DNAH8: variants seen among roughly 807,000 people sequenced by gnomAD.
The protein encoded by DNAH8 is dynein axonemal heavy chain 8.
In DNAH8, 382 loss-of-function variants were observed where a neutral mutation model predicts 562.1. That is an observed-to-expected ratio of 0.68 (90% CI 0.63 to 0.74). DNAH8 has a LOEUF of 0.74. Ranked by LOEUF, DNAH8 falls within the 30% of genes least tolerant of loss-of-function variation. DNAH8 has a pLI of 0.00. For synonymous variants in DNAH8, 1,881 were observed against 1,919.4 expected, an observed-to-expected ratio of 0.98 and a Z score of 0.52; for missense variants, 5,203 against 5,620.4, an observed-to-expected ratio of 0.93 and a Z score of 2.37.
chr6:38,862,317 A>T lies in DNAH8; in HGVS notation c.6169A>T (p.Met2057Leu), dbSNP rs764606324. The T allele has an allele frequency of 2.5e-6, 4 of 1,614,146 alleles. No homozygotes were observed. The highest frequency in any genetic ancestry group is 3.4e-6 in the Non-Finnish European group (4 of 1,180,004). ...ITLAQALGMN[M>L]GGAPAGPAGT... Reference sequence around the variant, plus strand: ...GTTAGCTCAGGCCTTGGGCATGAACATGGGAGGTGCTCCCGCAGGACCTGC... The same window carrying T: ...GTTAGCTCAGGCCTTGGGCATGAACTTGGGAGGTGCTCCCGCAGGACCTGC... Residue 2057 changes from methionine to leucine, a missense_variant, in exon 44 of 93, where the codon ATG becomes TTG. By Grantham distance (15) the Met-to-Leu change is conservative. Around this residue, in one of 6 missense-constraint regions of DNAH8, gnomAD observed 2,176 missense variants for 2,365.1 expected, o/e 0.92. Transcript: ENST00000327475.
At position 38,882,943 on chromosome 6, in the gene DNAH8, C is replaced by A; in HGVS notation, c.7892C>A (p.Pro2631His). The A allele has an allele frequency of 6.2e-7, 1 of 1,600,800 alleles. No individual in the cohort carries two copies. Among genetic ancestry groups the A allele is most frequent in the Non-Finnish European group, 8.5e-7 (1 of 1,175,012 alleles). ...DWEHWNKKLQ[P>H]YYYPTDSIPE... Reference sequence around the variant, plus strand: ...GAGCACTGGAATAAGAAACTTCAGCCTTATTATTATCCAACTGACAGTATT... The same window carrying A: ...GAGCACTGGAATAAGAAACTTCAGCATTATTATTATCCAACTGACAGTATT... The change falls in exon 54 of 93, where the codon CCT becomes CAT. Residue 2631 changes from proline (P) to histidine (H), a missense_variant. By Grantham distance (77) the Pro-to-His change is moderately conservative (BLOSUM62 -2). Coordinates refer to ENST00000327475, the MANE Select transcript of DNAH8 (RefSeq NM_001206927.2).
intron 91 of DNAH8, among the ~76,000 whole-genome samples, chr6:39,024,653 C>G (rs1396585200): frequency 1.3e-5 from 2 of 152,040 alleles, no homozygotes; most frequent in Non-Finnish European, 2.9e-5. Context: ...ATAGCAAGAC[C>G]CTGTCTCTAA....
chr6:38,928,893 G>A (rs1269251759), intron 74 of DNAH8, among the ~76,000 whole-genome samples: 8 of 152,104 alleles, frequency 5.3e-5, no homozygotes, highest in South Asian at 2.1e-4. Context: ...AATAACAAAC[G>A]CATTAATCTA....
At chr6:38,892,923 C>T (rs1170409532) in intron 58 of DNAH8, among the ~76,000 whole-genome samples, 9 of 152,132 alleles carry the variant, frequency 5.9e-5, no homozygotes, top group Admixed American at 3.3e-4. Flanking sequence ...ACCTTCAGAG[C>T]GACTGTTCCA....
Position 38,956,944 on chromosome 6 carries a change from T to TA in DNAH8, c.12451+5425dup, listed in dbSNP as rs536806999. On this transcript the variant is annotated intron_variant, in intron 82 of 92. Transcript: ENST00000327475. ...TAGTTAGTCCTTACCTACCAACAAT[T>TA]ACCTTGAATGTAAATGGATTAAAAT... Among the ~76,000 whole-genome samples, 5 of 152,234 alleles carry TA rather than the reference T, an allele frequency of 3.3e-5. No individual in the cohort carries two copies. In the South Asian group the frequency reaches 1.0e-3, roughly 32 times the overall value.
At chr6:39,010,640 A>G (rs1766127797) in intron 89 of DNAH8, among the ~76,000 whole-genome samples, 1 of 152,070 alleles carries the variant, frequency 6.6e-6, no homozygotes, top group Non-Finnish European at 1.5e-5. Context: ...TACTGTAGTC[A>G]ATACCTGAGC....
At position 38,853,066 on chromosome 6, in the gene DNAH8, G is replaced by T. The variant is rs143645253; in HGVS notation, c.5572-120G>T. 8 of 779,402 alleles carry T rather than the reference G, an allele frequency of 1.0e-5. No individual in the cohort carries two copies. The South Asian group carries it at 1.2e-4, about 11-fold the overall frequency. 48.3% of individuals were successfully genotyped at this position (779,402 alleles called of 1,614,324 possible). On this transcript the variant is annotated intron_variant, in intron 40 of 92. Coordinates refer to ENST00000327475, the MANE Select transcript of DNAH8 (RefSeq NM_001206927.2). The stretch of plus-strand genomic sequence containing the variant: ...ATTTTACCCATATTTAAAATATTTT[G>T]TATAAAATATGAAACTGTTTGCTTG...
At chr6:38,870,266 G>A in intron 48 of DNAH8, 135 bp from the exon 49 acceptor site, 1 of 743,432 alleles carries the variant, frequency 1.3e-6, no homozygotes, top group Non-Finnish European at 2.2e-6. Flanking sequence ...GAAAGTACTA[G>A]AGAATACAAG....
intron 29 of DNAH8, 129 bp downstream of exon 29, chr6:38,826,520 C>T (rs772142825): frequency 1.2e-5 from 8 of 652,268 alleles, no homozygotes; most frequent in East Asian, 2.7e-5. Flanking sequence ...TTTCTCGTCT[C>T]TGATGTTGAT....
rs200418777 is a variant in DNAH8, at chr6:38,874,180, TTC to T, written c.7620+814_7620+815del. ...CCTTCCTCCTTCTCTCTTTCTTTCTTTCTCTCTCTCTTTCTTTCTCTCTTTCT... is the reference window on the plus strand; with the variant it reads ...CCTTCCTCCTTCTCTCTTTCTTTCTTTCTCTCTCTTTCTTTCTCTCTTTCT... On this transcript the variant is annotated intron_variant, in intron 52 of 92. Coordinates refer to ENST00000327475, the MANE Select transcript of DNAH8 (RefSeq NM_001206927.2). Among the ~76,000 whole-genome samples, 830 of 62,604 alleles carry T rather than the reference TTC, an allele frequency of 0.013. 183 individuals carry two copies. In the East Asian group the frequency reaches 0.43, roughly 33 times the overall value. The allele number at this position is 62,604 out of a possible 152,430, so 41.1% of individuals were successfully genotyped here.
chr6:39,026,668 GT>G lies in DNAH8; in HGVS notation c.13836+2del. ...GGAGGAGATCACGTCACCCCCTGGG[GT>G]AGGCGTTGCTGGGCAATAGCAGGGA... On this transcript the variant is annotated splice_donor_variant, in intron 92 of 92. Coordinates refer to ENST00000327475, the MANE Select transcript of DNAH8 (RefSeq NM_001206927.2). LOFTEE classifies it high-confidence loss of function. The G allele has an allele frequency of 6.2e-7, 1 of 1,613,056 alleles. No homozygotes were observed. The highest frequency in any genetic ancestry group is 8.5e-7 in the Non-Finnish European group (1 of 1,179,868).
chr6:38,862,137 A>AC (rs1378342430), intron 43 of DNAH8, 143 bp from the exon 44 acceptor site: 1 of 661,314 alleles, frequency 1.5e-6, no homozygotes, highest in Non-Finnish European at 2.5e-6. Flanking sequence ...AAGTACCCTA[A>AC]CCTTGTTTGT....
At position 38,974,396 on chromosome 6, in the gene DNAH8, A is replaced by C. The variant is rs370456053; in HGVS notation, c.12701A>C (p.Glu4234Ala). The C allele has an allele frequency of 6.2e-7, 1 of 1,612,778 alleles. No individual in the cohort carries two copies. Among genetic ancestry groups the C allele is most frequent in the Non-Finnish European group, 8.5e-7 (1 of 1,179,576 alleles). The change falls in exon 85 of 93, where the codon GAG becomes GCG. Residue 4234 changes from glutamate to alanine, a missense_variant. Physicochemically the swap from Glu to Ala is moderately radical, Grantham distance 107. Around this residue, in one of 6 missense-constraint regions of DNAH8, gnomAD observed 1,399 missense variants for 1,518.4 expected, o/e 0.92. Coordinates refer to ENST00000327475, the MANE Select transcript of DNAH8 (RefSeq NM_001206927.2). ...LLQTSLKFTN[E>A]PPQGVRAGLK... ...CAGACCTCTCTCAAATTCACTAATGAGCCACCCCAAGGTGTACGCGCAGGT... is the reference window on the plus strand; with the variant it reads ...CAGACCTCTCTCAAATTCACTAATGCGCCACCCCAAGGTGTACGCGCAGGT...
intron 82 of DNAH8, among the ~76,000 whole-genome samples, chr6:38,957,002 A>T (rs188538797): frequency 6.8e-4 from 104 of 152,306 alleles, no homozygotes; most frequent in African/African-American, 2.2e-3. Flanking sequence ...GGCTTAATGG[A>T]TTTTTTAAAA....
chr6:38,856,208 G>A (rs758393608), intron 41 of DNAH8, among the ~76,000 whole-genome samples: 14 of 152,140 alleles, frequency 9.2e-5, no homozygotes, highest in Non-Finnish European at 1.8e-4. Context: ...AGAACATGTG[G>A]TGCCTTCTCA....
At chr6:38,788,693 A>T (rs1289998306) in intron 18 of DNAH8, among the ~76,000 whole-genome samples, 2 of 152,174 alleles carry the variant, frequency 1.3e-5, no homozygotes, top group East Asian at 3.8e-4. Context: ...CTTATCAGAT[A>T]TATGATTTGC....
chr6:38,819,423 T>C (rs1049129984), intron 26 of DNAH8, among the ~76,000 whole-genome samples: 1 of 152,314 alleles, frequency 6.6e-6, no homozygotes, highest in East Asian at 1.9e-4. Context: ...TTATTTAATA[T>C]ACATTTTACC....
chr6:38,773,970 G>A (rs2127627714), intron 12 of DNAH8, among the ~76,000 whole-genome samples: 1 of 152,342 alleles, frequency 6.6e-6, no homozygotes, highest in East Asian at 1.9e-4. Context: ...TTCAGAGTTA[G>A]ACAGATATGT....
At chr6:38,997,883 G>A (rs1162263887) in intron 88 of DNAH8, among the ~76,000 whole-genome samples, 2 of 152,106 alleles carry the variant, frequency 1.3e-5, no homozygotes, top group Admixed American at 1.3e-4. Context: ...TCAGCCTCCC[G>A]AATAGCTGGA....
Sources: gnomAD v4.1 joint callset for allele counts (sites outside exome capture counted in the v4.1 genomes callset) on GRCh38, gnomAD v4.1.1 for gene constraint, gnomAD v4.1.1 regional missense constraint, MANE v1.5 for transcripts, NCBI Gene and HGNC (gene_info 2026-07-23, HGNC 2026-07-21) for gene names.